UBR3: variants seen among roughly 807,000 people sequenced by gnomAD.
UBR3 encodes the protein E3 ubiquitin-protein ligase UBR3.
Under a neutral mutation model 243.2 loss-of-function variants are expected in UBR3, and 85 were observed. The ratio of observed to expected loss-of-function variants is 0.35; its 90% CI spans 0.29 to 0.42. The LOEUF (loss-of-function observed/expected upper bound fraction) is 0.42. UBR3 is among the 10% of genes least tolerant of loss of function. The pLI is 1.00. For missense variants in UBR3, 1,686 were observed against 2,300.8 expected (o/e 0.73, Z 5.47); for synonymous variants, 748 against 799.8 (o/e 0.94, Z 1.09).
At chr2:170,043,944 G>A (rs1472981226) in intron 32 of UBR3, among the ~76,000 whole-genome samples, 3 of 152,056 alleles carry the variant, frequency 2.0e-5, no homozygotes, top group African/African-American at 7.2e-5. Flanking sequence ...AGAATTTAGG[G>A]TCAGAGAAAA....
intron 31 of UBR3, among the ~76,000 whole-genome samples, chr2:170,037,148 T>G (rs969530055): frequency 2.0e-5 from 3 of 152,188 alleles, no homozygotes; most frequent in African/African-American, 7.2e-5. Flanking sequence ...TATTAAATAC[T>G]AAGGGTTCCT....
intron 11 of UBR3, among the ~76,000 whole-genome samples, chr2:169,922,029 A>G (rs554588539): frequency 5.3e-5 from 8 of 151,984 alleles, no homozygotes; most frequent in African/African-American, 1.9e-4. Flanking sequence ...GTTCACGTCT[A>G]TAATTCCAAT....
At chr2:169,960,207 C>A (rs1482107455) in intron 24 of UBR3, among the ~76,000 whole-genome samples, 1 of 146,452 alleles carries the variant, frequency 6.8e-6, no homozygotes, top group East Asian at 2.0e-4. Flanking sequence ...CAAGATCATG[C>A]CATTGCACTG....
chr2:169,861,730 T>A (rs2105302751), intron 1 of UBR3, among the ~76,000 whole-genome samples: 1 of 152,322 alleles, frequency 6.6e-6, no homozygotes, highest in South Asian at 2.1e-4. Context: ...GTTTATGTAG[T>A]TATTAAAATC....
intron 36 of UBR3, among the ~76,000 whole-genome samples, chr2:170,076,145 A>G (rs1464470998): frequency 1.3e-5 from 2 of 152,174 alleles, no homozygotes; most frequent in African/African-American, 4.8e-5. Flanking sequence ...GTTGTAATAC[A>G]TATACCCCAG....
chr2:169,917,904 T>C (rs1490221607), intron 11 of UBR3, among the ~76,000 whole-genome samples: 2 of 152,144 alleles, frequency 1.3e-5, no homozygotes, highest in Non-Finnish European at 2.9e-5. Flanking sequence ...GGTTTCACCA[T>C]GTCAGCCAGG....
chr2:169,862,882 CG>C (rs1371306699), intron 1 of UBR3, among the ~76,000 whole-genome samples: 1 of 152,008 alleles, frequency 6.6e-6, no homozygotes, highest in Non-Finnish European at 1.5e-5. Context: ...TAACATGGGG[CG>C]GGGGTATGAC....
At chr2:169,936,846 T>C (rs2105353104) in intron 19 of UBR3, among the ~76,000 whole-genome samples, 1 of 152,354 alleles carries the variant, frequency 6.6e-6, no homozygotes, top group Middle Eastern at 3.4e-3. Flanking sequence ...ACAAAGGACA[T>C]GAACTCATCC....
At chr2:170,017,521 GGACACACACACACACACACACACA>G (rs1314314553) in intron 30 of UBR3, among the ~76,000 whole-genome samples, 2 of 47,128 alleles carry the variant, frequency 4.2e-5, no homozygotes, top group Non-Finnish European at 4.5e-5. Flanking sequence ...ATATAATTAC[GGACACACACACACACACACACACA>G]GACACACACA....
At chr2:169,847,124 T>C (rs1376235842) in intron 1 of UBR3, among the ~76,000 whole-genome samples, 23 of 33,534 alleles carry the variant, frequency 6.9e-4, no homozygotes, top group African/African-American at 1.6e-3. Flanking sequence ...TGTGTGTGTG[T>C]GCGCTGGCAG....
At chr2:169,852,580 C>T (rs951475676) in intron 1 of UBR3, among the ~76,000 whole-genome samples, 5 of 151,776 alleles carry the variant, frequency 3.3e-5, no homozygotes, top group South Asian at 2.1e-4. Flanking sequence ...CGGTGGCTCA[C>T]GCCTGTAATC....
intron 30 of UBR3, among the ~76,000 whole-genome samples, chr2:170,026,538 G>A (rs968707978): frequency 6.6e-6 from 1 of 152,052 alleles, no homozygotes; most frequent in Non-Finnish European, 1.5e-5. Context: ...AAAGACACAT[G>A]GCTAGTACAG....
At chr2:169,938,655 A>T (rs1291930311) in intron 19 of UBR3, among the ~76,000 whole-genome samples, 2 of 151,926 alleles carry the variant, frequency 1.3e-5, no homozygotes, top group Admixed American at 6.6e-5. Flanking sequence ...ATGAATTCCA[A>T]TTTTTTTCTT....
At chr2:169,889,841 C>G (rs2084257056) in intron 5 of UBR3, among the ~76,000 whole-genome samples, 1 of 152,188 alleles carries the variant, frequency 6.6e-6, no homozygotes, top group African/African-American at 2.4e-5. Context: ...AGAGCTCCAG[C>G]ATGAAGCTGA....
chr2:169,954,352 C>T (rs543372466), intron 23 of UBR3, among the ~76,000 whole-genome samples: 98 of 151,954 alleles, frequency 6.4e-4, no homozygotes, highest in Non-Finnish European at 1.0e-3. Flanking sequence ...GTGATTCTCC[C>T]GCCTCAGCCT....
chr2:169,930,797 A>G (rs1475421996), intron 18 of UBR3, among the ~76,000 whole-genome samples: 2 of 152,178 alleles, frequency 1.3e-5, no homozygotes, highest in Admixed American at 6.5e-5. Flanking sequence ...TGAATTTGTC[A>G]TATTAATATA....
At chr2:169,945,650 G>C (rs893357710) in intron 20 of UBR3, among the ~76,000 whole-genome samples, 4 of 152,126 alleles carry the variant, frequency 2.6e-5, no homozygotes, top group Admixed American at 2.6e-4. Context: ...TTTGTTACTT[G>C]TGGTATTTTA....
chr2:169,909,673 TA>T (rs2085172325), intron 10 of UBR3, among the ~76,000 whole-genome samples: 1 of 152,118 alleles, frequency 6.6e-6, no homozygotes, highest in Non-Finnish European at 1.5e-5. Context: ...CAAAAAATGA[TA>T]AATGTCTGAG....
chr2:169,936,116 A>C (rs547853689), intron 19 of UBR3, among the ~76,000 whole-genome samples: 1 of 152,044 alleles, frequency 6.6e-6, no homozygotes, highest in Non-Finnish European at 1.5e-5. Flanking sequence ...CTGGAGTACA[A>C]TGGCATGATC....
Sources: gnomAD v4.1 joint callset for allele counts (sites outside exome capture counted in the v4.1 genomes callset) on GRCh38, gnomAD v4.1.1 for gene constraint, MANE v1.5 for transcripts, NCBI Gene and HGNC (gene_info 2026-07-23, HGNC 2026-07-21) for gene names.